Variants in LINGO2 observed in about 807,000 individuals in gnomAD.
LINGO2 encodes leucine-rich repeat and immunoglobulin-like domain-containing nogo receptor-interacting protein 2.
Under a neutral mutation model 30.6 loss-of-function variants are expected in LINGO2, and 14 were observed. The observed-to-expected ratio is 0.46, with a 90% confidence interval of 0.30 to 0.72. The LOEUF (loss-of-function observed/expected upper bound fraction) is 0.72. LINGO2 is among the 30% of genes least tolerant of loss of function. The pLI is 0.07. For missense variants in LINGO2, 729 were observed against 751.7 expected, an observed-to-expected ratio of 0.97 and a Z score of 0.35; for synonymous variants, 317 against 288.5, an observed-to-expected ratio of 1.10 and a Z score of -1.00.
At chr9:27,949,780 G>T (rs554678962) in exon 6 of LINGO2, 5 of 1,614,002 alleles carry the variant, frequency 3.1e-6, no homozygotes, top group Non-Finnish European at 3.4e-6. Context: ...TCCTGAAGGC[G>T]GATCAGGTCA....
chr9:28,669,527 T>C (rs1828935045), intron 1 of LINGO2, among the ~76,000 whole-genome samples: 1 of 152,060 alleles, frequency 6.6e-6, no homozygotes, highest in African/African-American at 2.4e-5. Flanking sequence ...AATGCCACAA[T>C]ATAGTTTCCA....
chr9:29,034,726 G>A, the LINGO2 span, among the ~76,000 whole-genome samples: 22 of 152,112 alleles, frequency 1.4e-4, no homozygotes, highest in Non-Finnish European at 2.6e-4. Flanking sequence ...GCATTACTAA[G>A]TTGAGATTAT....
At chr9:28,817,345 G>C in the LINGO2 span, among the ~76,000 whole-genome samples, 3 of 152,186 alleles carry the variant, frequency 2.0e-5, no homozygotes, top group Non-Finnish European at 4.4e-5. Flanking sequence ...AATAAAAATA[G>C]ATTGGTTGGA....
At chr9:28,255,713 C>A (rs976433846) in intron 4 of LINGO2, among the ~76,000 whole-genome samples, 1 of 152,006 alleles carries the variant, frequency 6.6e-6, no homozygotes, top group Non-Finnish European at 1.5e-5. Flanking sequence ...TCTATGATGG[C>A]TTTCCAATTT....
chr9:28,256,609 G>A (rs1822392224), intron 4 of LINGO2, among the ~76,000 whole-genome samples: 1 of 151,900 alleles, frequency 6.6e-6, no homozygotes, highest in Admixed American at 6.6e-5. Flanking sequence ...GAGCAAATAT[G>A]TAAAATAATT....
chr9:28,032,197 T>C (rs1333905978), intron 4 of LINGO2, among the ~76,000 whole-genome samples: 1 of 150,960 alleles, frequency 6.6e-6, no homozygotes, highest in Non-Finnish European at 1.5e-5. Flanking sequence ...AGGATCTAAT[T>C]CAAGTCTTAA....
intron 2 of LINGO2, among the ~76,000 whole-genome samples, chr9:28,438,926 C>CTGTT (rs1554721251): frequency 9.2e-5 from 12 of 130,460 alleles, no homozygotes; most frequent in Admixed American, 2.3e-4. Flanking sequence ...AAATATATAT[C>CTGTT]TATACATTAT....
At chr9:29,082,276 C>T in the LINGO2 span, among the ~76,000 whole-genome samples, 1 of 152,240 alleles carries the variant, frequency 6.6e-6, no homozygotes, top group South Asian at 2.1e-4. Flanking sequence ...AATAATACCA[C>T]ACATCTACAA....
the LINGO2 span, among the ~76,000 whole-genome samples, chr9:29,126,789 G>A: frequency 6.6e-6 from 1 of 152,082 alleles, no homozygotes; most frequent in Non-Finnish European, 1.5e-5. Flanking sequence ...CAGGAGAATA[G>A]GATCTGGAGG....
At chr9:28,461,985 T>C (rs529089242) in intron 2 of LINGO2, among the ~76,000 whole-genome samples, 44 of 152,268 alleles carry the variant, frequency 2.9e-4, no homozygotes, top group African/African-American at 9.9e-4. Flanking sequence ...TGTTACAAAC[T>C]GAGCAACCAC....
the LINGO2 span, among the ~76,000 whole-genome samples, chr9:28,806,348 A>G: frequency 3.3e-5 from 5 of 152,312 alleles, no homozygotes; most frequent in East Asian, 9.6e-4. Context: ...CCTTGTTGCT[A>G]TCTCAGGTGT....
the LINGO2 span, among the ~76,000 whole-genome samples, chr9:28,998,541 C>A: frequency 2.6e-5 from 4 of 152,066 alleles, no homozygotes; most frequent in East Asian, 5.8e-4. Flanking sequence ...AATTACCCTA[C>A]AAGAAAAATT....
chr9:27,951,258 A>T lies in LINGO2; in HGVS notation c.-35-552T>A, dbSNP rs563219021. Among the ~76,000 whole-genome samples, 5 of 152,338 alleles carry T rather than the reference A, an allele frequency of 3.3e-5. No individual in the cohort carries two copies. In the South Asian group the frequency reaches 1.0e-3, roughly 32 times the overall value. ...TGTTGGAATGTTTTTCTTCATGTAT[A>T]CATTTTCTACTTTTAACCTTTGAAT... On this transcript the variant is annotated intron_variant, in intron 5 of 5. Transcript: ENST00000379992.
chr9:28,844,276 C>T, the LINGO2 span, among the ~76,000 whole-genome samples: 37 of 151,854 alleles, frequency 2.4e-4, no homozygotes, highest in African/African-American at 8.0e-4. Context: ...GCAGGAGAAT[C>T]GCTTGAACCT....
At chr9:28,225,995 C>T (rs1051846548) in intron 4 of LINGO2, among the ~76,000 whole-genome samples, 1 of 152,088 alleles carries the variant, frequency 6.6e-6, no homozygotes, top group African/African-American at 2.4e-5. Context: ...AATCAATCTC[C>T]AGGAATGACT....
At chr9:28,811,146 C>T in the LINGO2 span, among the ~76,000 whole-genome samples, 1 of 152,114 alleles carries the variant, frequency 6.6e-6, no homozygotes, top group Non-Finnish European at 1.5e-5. Flanking sequence ...GGATCATAAT[C>T]TCATTATCTC....
At chr9:28,870,337 T>C in the LINGO2 span, among the ~76,000 whole-genome samples, 4 of 152,212 alleles carry the variant, frequency 2.6e-5, no homozygotes, top group African/African-American at 9.6e-5. Context: ...CACTCTAACC[T>C]AAACATATAA....
At chr9:28,278,100 T>C (rs1171035572) in intron 4 of LINGO2, among the ~76,000 whole-genome samples, 1 of 152,178 alleles carries the variant, frequency 6.6e-6, no homozygotes, top group African/African-American at 2.4e-5. Context: ...CAAGATTCCA[T>C]TAAGCCAAAG....
At chr9:28,927,843 A>T in the LINGO2 span, among the ~76,000 whole-genome samples, 1 of 152,250 alleles carries the variant, frequency 6.6e-6, no homozygotes. Flanking sequence ...AGAAACTGAC[A>T]TTCATTGAAG....
Sources: gnomAD v4.1 joint callset for allele counts (sites outside exome capture counted in the v4.1 genomes callset) on GRCh38, gnomAD v4.1.1 for gene constraint, MANE v1.5 for transcripts, NCBI Gene and HGNC (gene_info 2026-07-23, HGNC 2026-07-21) for gene names.